TENM2: variants seen among roughly 807,000 people sequenced by gnomAD.
The protein encoded by TENM2 is teneurin-2.
A neutral mutation model predicts 245.2 loss-of-function variants in TENM2; 52 were observed. That is an observed-to-expected ratio of 0.21 (90% CI 0.17 to 0.27). The LOEUF is 0.27. Ranked by LOEUF, TENM2 falls within the 10% of genes least tolerant of loss-of-function variation. The pLI is 1.00. For missense variants in TENM2, 3,046 were observed against 3,666.8 expected (o/e 0.83, Z 4.37); for synonymous variants, 1,363 against 1,438.9 (o/e 0.95, Z 1.19).
At chr5:167,418,776 A>G (rs1453547576) in intron 2 of TENM2, among the ~76,000 whole-genome samples, 3 of 152,176 alleles carry the variant, frequency 2.0e-5, no homozygotes, top group African/African-American at 7.2e-5. Context: ...GGTTTTCTTC[A>G]TTATATTTTG....
chr5:167,473,763 T>C (rs1286161755), intron 2 of TENM2, among the ~76,000 whole-genome samples: 3 of 152,220 alleles, frequency 2.0e-5, no homozygotes, highest in Non-Finnish European at 4.4e-5. Context: ...TGGACACATC[T>C]GTTTCCTTAT....
the TENM2 span, among the ~76,000 whole-genome samples, chr5:167,263,400 A>T: frequency 2.0e-5 from 3 of 152,298 alleles, no homozygotes; most frequent in East Asian, 5.8e-4. Flanking sequence ...AAGCCATGGG[A>T]GTATATGCAG....
At chr5:168,188,558 G>T (rs1194388889) in intron 13 of TENM2, among the ~76,000 whole-genome samples, 1 of 152,158 alleles carries the variant, frequency 6.6e-6, no homozygotes, top group Non-Finnish European at 1.5e-5. Context: ...CATCTGTTGA[G>T]TGCCCGATTC....
At chr5:167,857,930 G>T (rs1478326453) in intron 2 of TENM2, among the ~76,000 whole-genome samples, 2 of 152,178 alleles carry the variant, frequency 1.3e-5, no homozygotes, top group Non-Finnish European at 2.9e-5. Flanking sequence ...AGAAAAAGCT[G>T]CATTCTCTTT....
the TENM2 span, among the ~76,000 whole-genome samples, chr5:167,187,424 G>A: frequency 2.0e-5 from 3 of 152,112 alleles, no homozygotes; most frequent in Non-Finnish European, 2.9e-5. Context: ...TAAGGTATTC[G>A]CTTGCAGTTA....
chr5:167,222,592 G>GA, the TENM2 span, among the ~76,000 whole-genome samples: 2 of 146,120 alleles, frequency 1.4e-5, no homozygotes, highest in African/African-American at 5.3e-5. Context: ...TCAGTGTCTG[G>GA]AAAAATGAAT....
chr5:167,801,449 CAGA>C (rs1194531711), intron 2 of TENM2, among the ~76,000 whole-genome samples: 1 of 151,854 alleles, frequency 6.6e-6, no homozygotes, highest in Non-Finnish European at 1.5e-5. Context: ...ACCCTCTAAA[CAGA>C]TAAATACAAT....
At chr5:167,606,087 T>C (rs1023072793) in intron 2 of TENM2, among the ~76,000 whole-genome samples, 1 of 152,116 alleles carries the variant, frequency 6.6e-6, no homozygotes, top group East Asian at 1.9e-4. Flanking sequence ...CCCAGAGCAA[T>C]TTCTGTTATA....
intron 2 of TENM2, among the ~76,000 whole-genome samples, chr5:167,847,092 G>A (rs999654484): frequency 6.6e-5 from 10 of 152,144 alleles, no homozygotes; most frequent in African/African-American, 1.9e-4. Flanking sequence ...AAGTGGCTAC[G>A]AGTATGCACC....
the TENM2 span, among the ~76,000 whole-genome samples, chr5:167,212,140 G>T: frequency 6.6e-6 from 1 of 152,148 alleles, no homozygotes; most frequent in Non-Finnish European, 1.5e-5. Context: ...TCTCAGCCAG[G>T]AGACCATATT....
chr5:167,190,593 G>A, the TENM2 span, among the ~76,000 whole-genome samples: 1 of 151,966 alleles, frequency 6.6e-6, no homozygotes, highest in African/African-American at 2.4e-5. Context: ...ATCTCCAAGG[G>A]TACTTTTTAC....
intron 2 of TENM2, among the ~76,000 whole-genome samples, chr5:167,604,757 T>C (rs1362381760): frequency 6.6e-6 from 1 of 152,160 alleles, no homozygotes; most frequent in African/African-American, 2.4e-5. Flanking sequence ...GCCAGGGATA[T>C]AAGCAAACCT....
At chr5:167,007,602 A>G in the TENM2 span, among the ~76,000 whole-genome samples, 4,259 of 152,250 alleles carry the variant, frequency 0.028, 195 homozygotes, top group African/African-American at 0.099. The surrounding 1 kb of genome is among the most constrained non-coding windows in gnomAD (Gnocchi z 4.2). Flanking sequence ...TGTAGGCTTG[A>G]ACACATAAAT....
chr5:167,061,090 A>G, the TENM2 span, among the ~76,000 whole-genome samples: 2 of 23,408 alleles, frequency 8.5e-5, no homozygotes, highest in African/African-American at 7.4e-4. Flanking sequence ...TCTCTCTCCA[A>G]AACACACACA....
chr5:168,204,366 C>G lies in TENM2; in HGVS notation c.3575-6C>G. ...AGTAACCCCTCCCATTCTCCAACCC[C>G]CACAGGAATCCTACACAAAGGCACT... On this transcript the variant is annotated splice_polypyrimidine_tract_variant and splice_region_variant and intron_variant, in intron 18 of 28. Transcript: ENST00000518659. The G allele has an allele frequency of 6.2e-7, 1 of 1,611,802 alleles. No homozygotes were observed. Among genetic ancestry groups the G allele is most frequent in the Non-Finnish European group, 8.5e-7 (1 of 1,178,302 alleles).
chr5:167,041,087 A>G, the TENM2 span, among the ~76,000 whole-genome samples: 5 of 152,202 alleles, frequency 3.3e-5, no homozygotes, highest in Non-Finnish European at 5.9e-5. Context: ...TAAGGGCCAC[A>G]TGTATGCAGG....
chr5:167,018,079 T>A, the TENM2 span, among the ~76,000 whole-genome samples: 4 of 152,148 alleles, frequency 2.6e-5, no homozygotes, highest in Admixed American at 6.5e-5. Context: ...TCATAATGTA[T>A]TCTTTCCTTA....
the TENM2 span, among the ~76,000 whole-genome samples, chr5:167,183,372 G>T: frequency 6.6e-6 from 1 of 152,098 alleles, no homozygotes; most frequent in Non-Finnish European, 1.5e-5. Flanking sequence ...AGTCACAGTT[G>T]TCCTCTTAGC....
chr5:167,251,164 G>A, the TENM2 span, among the ~76,000 whole-genome samples: 40 of 152,188 alleles, frequency 2.6e-4, no homozygotes, highest in South Asian at 3.1e-3. Context: ...GAAAAGGAAC[G>A]TGTTGTAAAA....
Sources: allele counts gnomAD v4.1 joint callset (sites outside exome capture counted in the v4.1 genomes callset), GRCh38; gene constraint gnomAD v4.1.1; non-coding constraint Gnocchi (gnomAD v3.1); transcripts MANE v1.5; gene names NCBI Gene and HGNC (gene_info 2026-07-23, HGNC 2026-07-21).